CCDC157: variants seen among roughly 807,000 people sequenced by gnomAD.
CCDC157 encodes the protein coiled-coil domain containing 157, also known as coiled-coil domain-containing protein 157.
In CCDC157, 60 loss-of-function variants were observed where a neutral mutation model predicts 70.9. The ratio of observed to expected loss-of-function variants is 0.85; its 90% confidence interval spans 0.69 to 1.05. CCDC157 has a LOEUF of 1.05. Ranked by LOEUF, CCDC157 falls within the 50% of genes least tolerant of loss-of-function variation. The probability of loss-of-function intolerance (pLI) is 0.00; values close to 1 mark genes in which losing one functional copy is unlikely to be tolerated. For synonymous variants in CCDC157, 373 were observed against 422.4 expected (o/e 0.88, Z 1.43); for missense variants, 943 against 984.2 (o/e 0.96, Z 0.56).
At position 30,377,110 on chromosome 22, in the gene CCDC157, C is replaced by T; in HGVS notation, c.*365C>T. On this transcript the variant is annotated 3_prime_UTR_variant, in exon 12 of 12. Transcript: ENST00000338306. ...GGGTGAACCTTGGCTCAGTGGCCCG[C>T]ACTGACTCAGGAAGGGGTCAGGTGG... The T allele has an allele frequency of 3.4e-6, 1 of 292,480 alleles. No individual in the cohort carries two copies. The highest frequency in any genetic ancestry group is 4.5e-5 in the Admixed American group (1 of 22,392). The allele number at this position is 292,480 out of a possible 1,614,324, so 18.1% of individuals were successfully genotyped here.
intron 2 of CCDC157, among the ~76,000 whole-genome samples, chr22:30,364,419 C>T (rs1012662358): frequency 6.6e-6 from 1 of 152,122 alleles, no homozygotes; most frequent in Non-Finnish European, 1.5e-5. Flanking sequence ...TTGATCTTTA[C>T]AAATTATATG....
rs1185400890 is a variant in CCDC157, at chr22:30,376,592, C to T, written c.2106C>T (p.Cys702=). ...QPCTSPSRQP[C]SQPSKSLLEG... is the part of the protein sequence containing the mutation. ...GCACATCCCCATCTCGGCAGCCCTG[C>T]AGCCAGCCCAGCAAGTCCTTGCTGG... Residue 702 remains cysteine (C), a synonymous_variant, in exon 12 of 12, where the codon TGC becomes TGT. Transcript: ENST00000338306. 6.2e-7 allele frequency: 1 copy of T among 1,613,762 alleles called. No homozygotes were observed. Among genetic ancestry groups the T allele is most frequent in the Non-Finnish European group, 8.5e-7 (1 of 1,179,988 alleles).
chr22:30,361,493 T>G (rs1932347206), intron 1 of CCDC157, among the ~76,000 whole-genome samples: 1 of 152,194 alleles, frequency 6.6e-6, no homozygotes, highest in Admixed American at 6.5e-5. Flanking sequence ...GAGGGTGGCC[T>G]TCCTGCTTCT....
In CCDC157 at chr22:30,372,220, C is replaced by A. The variant is rs914387839; in HGVS notation, c.1269C>A (p.Val423=). 3.8e-6 allele frequency: 6 copies of A among 1,596,248 alleles called. No homozygotes were observed. Among genetic ancestry groups the A allele is most frequent in the Non-Finnish European group, 5.1e-6 (6 of 1,174,630 alleles). Reference sequence around the variant, plus strand: ...GGCTGGAGGGCGCTGGCCAGCAGGTCTGCTGGGCCAGCACGGAGCTGGATA... The same window carrying A: ...GGCTGGAGGGCGCTGGCCAGCAGGTATGCTGGGCCAGCACGGAGCTGGATA... ...VGRLEGAGQQ[V]CWASTELDKE... is the part of the protein sequence containing the mutation. Residue 423 remains valine, a synonymous_variant, in exon 7 of 12, where the codon GTC becomes GTA. Transcript: ENST00000338306.
intron 1 of CCDC157, among the ~76,000 whole-genome samples, chr22:30,359,389 T>C (rs1379873829): frequency 6.6e-6 from 1 of 152,196 alleles, no homozygotes; most frequent in Admixed American, 6.5e-5. Context: ...TGATATCCCA[T>C]GGGTGAAACT....
At chr22:30,370,151 T>G in intron 4 of CCDC157, 175 bp from the exon 5 acceptor site, 1 of 763,082 alleles carries the variant, frequency 1.3e-6, no homozygotes, top group Admixed American at 2.3e-5. Context: ...GTAAGCTGAG[T>G]CAGAGTAACA....
chr22:30,361,635 A>G (rs934038639), intron 1 of CCDC157, among the ~76,000 whole-genome samples: 4 of 152,228 alleles, frequency 2.6e-5, no homozygotes, highest in African/African-American at 9.6e-5. Flanking sequence ...CTGCTCTAGA[A>G]GGACAGAGCA....
chr22:30,356,742 C>T (rs1931880863), upstream of CCDC157: 2 of 1,492,626 alleles, frequency 1.3e-6, no homozygotes, highest in Non-Finnish European at 1.8e-6. Context: ...GTTTGGGCTC[C>T]GTGGGCACGG....
upstream of CCDC157, chr22:30,356,658 C>T (rs755509773): frequency 1.6e-4 from 190 of 1,217,252 alleles, no homozygotes; most frequent in Non-Finnish European, 2.0e-4. Context: ...CGGCCGGCCG[C>T]TTATTCCTGT....
At position 30,378,180 on chromosome 22, in the gene CCDC157, T is replaced by G. The variant is rs767506343; in HGVS notation, c.*1435T>G. 1.5e-4 allele frequency: 70 copies of G among 470,680 alleles called. No individual in the cohort carries two copies. The highest frequency in any genetic ancestry group is 1.4e-3 in the African/African-American group (69 of 50,056). The allele number at this position is 470,680 out of a possible 1,614,324, so 29.2% of individuals were successfully genotyped here. ...AACAGAGGATTTCTCATGTGCTGAA[T>G]CCCCCACATGCTTCAAATCCCTGAC... On this transcript the variant is annotated 3_prime_UTR_variant, in exon 12 of 12. Transcript: ENST00000338306.
intron 9 of CCDC157, chr22:30,374,334 G>T: frequency 1.6e-6 from 1 of 632,810 alleles, no homozygotes; most frequent in Non-Finnish European, 2.9e-6. Flanking sequence ...AGTCACAACA[G>T]CCAAACGCAG....
intron 9 of CCDC157, chr22:30,375,135 T>G: frequency 3.4e-6 from 1 of 297,428 alleles, no homozygotes; most frequent in Non-Finnish European, 6.5e-6. Flanking sequence ...ATTTTTCTAT[T>G]TTTAGTAGAG....
chr22:30,360,674 G>A (rs892122828), intron 1 of CCDC157, among the ~76,000 whole-genome samples: 10 of 152,168 alleles, frequency 6.6e-5, no homozygotes, highest in African/African-American at 2.4e-4. Context: ...CACTTTGGAA[G>A]ACCAAGGAGG....
At chr22:30,364,952 T>C (rs948829721) in intron 2 of CCDC157, among the ~76,000 whole-genome samples, 4 of 152,362 alleles carry the variant, frequency 2.6e-5, no homozygotes, top group African/African-American at 9.6e-5. Context: ...TTCTTTGCGA[T>C]TCTTTTTCTT....
chr22:30,373,941 C>A lies in CCDC157; in HGVS notation c.1522C>A (p.Gln508Lys). The A allele has an allele frequency of 6.2e-7, 1 of 1,611,550 alleles. No individual in the cohort carries two copies. Among genetic ancestry groups the A allele is most frequent in the Admixed American group, 1.7e-5 (1 of 59,686 alleles). ...RAQQELLQSL[Q>K]REKQGLEQAT... ...GTCCCAGGAGCTGCTGCAGAGCCTGCAGAGGGAGAAGCAAGGCCTGGAGCA... is the reference window on the plus strand; with the variant it reads ...GTCCCAGGAGCTGCTGCAGAGCCTGAAGAGGGAGAAGCAAGGCCTGGAGCA... The change falls in exon 9 of 12, where the codon CAG becomes AAG. Residue 508 changes from glutamine to lysine, a missense_variant. By Grantham distance (53) the Gln-to-Lys change is moderately conservative. Transcript: ENST00000338306.
intron 7 of CCDC157, 42 bp from the exon 8 acceptor site, chr22:30,373,555 C>G (rs1386218618): frequency 2.6e-6 from 4 of 1,548,218 alleles, no homozygotes; most frequent in South Asian, 1.2e-5. Flanking sequence ...GGGCCTAGCC[C>G]TGTGGGTCTC....
intron 1 of CCDC157, among the ~76,000 whole-genome samples, chr22:30,357,667 A>G (rs1215430598): frequency 3.9e-5 from 3 of 76,090 alleles, no homozygotes; most frequent in African/African-American, 1.3e-4. Flanking sequence ...ACACCCGGCT[A>G]ATTTTTTTTT....
In CCDC157 at chr22:30,376,628, C is replaced by A; in HGVS notation, c.2142C>A (p.Thr714=). 8.7e-6 allele frequency: 14 copies of A among 1,613,844 alleles called. No homozygotes were observed. Among genetic ancestry groups the A allele is most frequent in the Non-Finnish European group, 1.2e-5 (14 of 1,180,004 alleles). Reference sequence around the variant, plus strand: ...GCAAGTCCTTGCTGGAGGGTGTGACCCACTTGGACACCTGCACCCAGAACC... The same window carrying A: ...GCAAGTCCTTGCTGGAGGGTGTGACACACTTGGACACCTGCACCCAGAACC... ...QPSKSLLEGV[T]HLDTCTQNPI... is the part of the protein sequence containing the mutation. The change falls in exon 12 of 12, where the codon ACC becomes ACA. Residue 714 remains threonine (T), a synonymous_variant. Coordinates refer to ENST00000338306, the MANE Select transcript of CCDC157 (RefSeq NM_001017437.5).
rs371145773 is a variant in CCDC157, at chr22:30,375,682, G to A, written c.1857+19G>A. ...CCTCAAGGTGGGCCTGAGAGGGCGG[G>A]CCCTTGGGGACCAGGAGGAAGCCCC... On this transcript the variant is annotated intron_variant, in intron 10 of 11. Coordinates refer to ENST00000338306, the MANE Select transcript of CCDC157 (RefSeq NM_001017437.5). The A allele has an allele frequency of 1.3e-6, 2 of 1,596,202 alleles. No individual in the cohort carries two copies. Among genetic ancestry groups the A allele is most frequent in the Non-Finnish European group, 8.5e-7 (1 of 1,172,210 alleles).
Sources: gnomAD v4.1 joint callset for allele counts (sites outside exome capture counted in the v4.1 genomes callset) on GRCh38, gnomAD v4.1.1 for gene constraint, MANE v1.5 for transcripts, NCBI Gene and HGNC (gene_info 2026-07-23, HGNC 2026-07-21) for gene names.